RHOA: variants seen among roughly 807,000 people sequenced by gnomAD.
The protein encoded by RHOA is transforming protein RhoA.
A neutral mutation model predicts 17.5 loss-of-function variants in RHOA; 3 were observed. That is an observed-to-expected ratio of 0.17 (90% CI 0.08 to 0.44). RHOA has a LOEUF of 0.44. Among genes scored for constraint, RHOA ranks in the 20% least tolerant of loss-of-function variants. The probability of loss-of-function intolerance (pLI) is 0.99; values close to 1 mark genes in which losing one functional copy is unlikely to be tolerated. For missense variants in RHOA, 56 were observed against 242.3 expected, an observed-to-expected ratio of 0.23 and a Z score of 5.10; for synonymous variants, 98 against 88.4, an observed-to-expected ratio of 1.11 and a Z score of -0.61.
rs3204561 is a variant in RHOA at position 49,359,247 on chromosome 3, G to C, written c.*962C>G. ...AAGAGAGACTGAGTGCCACCCATGA[G>C]AACTGGTGGCTCCTCTGGGAGGGAA... On this transcript the variant is annotated 3_prime_UTR_variant, in exon 5 of 5. Coordinates refer to ENST00000418115, the MANE Select transcript of RHOA (RefSeq NM_001664.4). The C allele has an allele frequency of 5.2e-6, 1 of 192,896 alleles. No individual in the cohort carries two copies. The highest frequency in any genetic ancestry group is 2.3e-5 in the African/African-American group (1 of 43,066). 11.9% of individuals were successfully genotyped at this position (192,896 alleles called of 1,614,324 possible).
intron 1 of RHOA, among the ~76,000 whole-genome samples, chr3:49,403,262 CG>C (rs1302714760): frequency 6.6e-6 from 1 of 151,816 alleles, no homozygotes; most frequent in African/African-American, 2.4e-5. Context: ...CACTTGAACC[CG>C]GGAGGCAGAG....
intron 1 of RHOA, among the ~76,000 whole-genome samples, chr3:49,408,753 G>A (rs1189332159): frequency 6.6e-6 from 1 of 151,348 alleles, no homozygotes; most frequent in Non-Finnish European, 1.5e-5. Flanking sequence ...GGTAAACAAA[G>A]GAATAAACTA....
At chr3:49,401,786 T>C (rs1559517848) in intron 1 of RHOA, among the ~76,000 whole-genome samples, 1 of 152,162 alleles carries the variant, frequency 6.6e-6, no homozygotes, top group African/African-American at 2.4e-5. Context: ...ATCTGCATTA[T>C]ACTTACTGGT....
chr3:49,401,549 ACT>A (rs1436906961), intron 1 of RHOA, among the ~76,000 whole-genome samples: 1 of 109,178 alleles, frequency 9.2e-6, no homozygotes, highest in Non-Finnish European at 1.9e-5. Context: ...CAAGAATGAA[ACT>A]CTGTCTCAAA....
chr3:49,364,685 T>A lies in RHOA; in HGVS notation c.278-2059A>T, dbSNP rs183142506. Among the ~76,000 whole-genome samples, 776 of 151,102 alleles carry A rather than the reference T, an allele frequency of 5.1e-3. 28 individuals carry two copies. The highest frequency in any genetic ancestry group is 0.046 in the Admixed American group (702 of 15,146). On this transcript the variant is annotated intron_variant, in intron 3 of 4. Transcript: ENST00000418115. The stretch of plus-strand genomic sequence containing the variant: ...CAAAATAAATAAATAAATAAATAAA[T>A]AAAAATAAATAGACCAGGTGCAGTG...
intron 1 of RHOA, among the ~76,000 whole-genome samples, chr3:49,398,620 G>A (rs1160900245): frequency 4.7e-5 from 7 of 149,500 alleles, no homozygotes; most frequent in Admixed American, 3.4e-4. Flanking sequence ...TCAGGAGATC[G>A]AGACCATCCT....
At chr3:49,383,128 A>C (rs1214210083) in intron 1 of RHOA, among the ~76,000 whole-genome samples, 1 of 152,084 alleles carries the variant, frequency 6.6e-6, no homozygotes, top group African/African-American at 2.4e-5. Flanking sequence ...GAAGACATTC[A>C]ATTCTTGAGA....
intron 1 of RHOA, among the ~76,000 whole-genome samples, chr3:49,391,649 T>C (rs995993328): frequency 6.6e-6 from 1 of 151,728 alleles, no homozygotes; most frequent in Non-Finnish European, 1.5e-5. Context: ...GTAGCTGGGA[T>C]TACAGGCATG....
intron 1 of RHOA, among the ~76,000 whole-genome samples, chr3:49,391,174 C>T (rs1210228593): frequency 6.7e-6 from 1 of 149,314 alleles, no homozygotes; most frequent in Non-Finnish European, 1.5e-5. Context: ...GCCGAGATCG[C>T]ACCACTGCAC....
intron 2 of RHOA, among the ~76,000 whole-genome samples, chr3:49,369,729 C>T (rs183110791): frequency 1.2e-3 from 179 of 146,654 alleles, no homozygotes; most frequent in African/African-American, 4.2e-3. Context: ...GGCGACAAAG[C>T]GAGCCTCCAT....
At chr3:49,403,859 G>T (rs2048767651) in intron 1 of RHOA, among the ~76,000 whole-genome samples, 2 of 151,990 alleles carry the variant, frequency 1.3e-5, no homozygotes, top group Admixed American at 6.6e-5. Context: ...CCAAGTTTGG[G>T]AACAGTGGAG....
rs2047938788 is a variant in RHOA at position 49,360,186 on chromosome 3, A to T, written c.*23T>A. ...ACAGCACTTCAAAATTAACCGCATA[A>T]GGGCTGTGCTTGCAGCAAGGTTTCA... On this transcript the variant is annotated 3_prime_UTR_variant, in exon 5 of 5. Transcript: ENST00000418115. The T allele has an allele frequency of 1.2e-6, 2 of 1,608,348 alleles. No individual in the cohort carries two copies. Among genetic ancestry groups the T allele is most frequent in the East Asian group, 4.5e-5 (2 of 44,854 alleles).
intron 1 of RHOA, among the ~76,000 whole-genome samples, chr3:49,402,509 A>AC: frequency 6.6e-6 from 1 of 152,074 alleles, no homozygotes; most frequent in Non-Finnish European, 1.5e-5. Flanking sequence ...CGTCATCTCT[A>AC]TAAAAATTAA....
chr3:49,361,332 G>A (rs2047967850), intron 4 of RHOA, among the ~76,000 whole-genome samples: 2 of 152,170 alleles, frequency 1.3e-5, no homozygotes, highest in African/African-American at 4.8e-5. Context: ...AGAAACCTGA[G>A]TAAGAGAACT....
chr3:49,372,333 T>C (rs1387942435), intron 2 of RHOA, among the ~76,000 whole-genome samples: 1 of 152,172 alleles, frequency 6.6e-6, no homozygotes, highest in Non-Finnish European at 1.5e-5. Flanking sequence ...AAAATTCTGT[T>C]AGGCTGGTAT....
At chr3:49,380,398 T>C (rs910528699) in intron 1 of RHOA, among the ~76,000 whole-genome samples, 16 of 152,074 alleles carry the variant, frequency 1.1e-4, no homozygotes, top group Non-Finnish European at 7.3e-5. Context: ...TTACCTATAG[T>C]CAAACTAATC....
At chr3:49,398,789 G>A (rs1328041129) in intron 1 of RHOA, among the ~76,000 whole-genome samples, 5 of 130,994 alleles carry the variant, frequency 3.8e-5, no homozygotes, top group Non-Finnish European at 7.7e-5. Flanking sequence ...GCAGTGAGCC[G>A]AGATTATGCC....
At position 49,359,532 on chromosome 3, in the gene RHOA, TC is replaced by T. The variant is rs1189265359; in HGVS notation, c.*676del. On this transcript the variant is annotated 3_prime_UTR_variant, in exon 5 of 5. Transcript: ENST00000418115. ...TCTGACTTTATTTCCAAATACACTTTCTTTTTTAAAAAACCAATACACTTTC... is the reference window on the plus strand; with the variant it reads ...TCTGACTTTATTTCCAAATACACTTTTTTTTTAAAAAACCAATACACTTTC... The T allele has an allele frequency of 2.0e-5, 4 of 201,164 alleles. No homozygotes were observed. Among genetic ancestry groups the T allele is most frequent in the Non-Finnish European group, 4.1e-5 (4 of 97,628 alleles). 12.5% of individuals were successfully genotyped at this position (201,164 alleles called of 1,614,324 possible).
At chr3:49,367,832 A>G (rs2048084596) in intron 3 of RHOA, among the ~76,000 whole-genome samples, 1 of 151,820 alleles carries the variant, frequency 6.6e-6, no homozygotes, top group Non-Finnish European at 1.5e-5. Flanking sequence ...TAGTTTACTC[A>G]TCTTTGTATC....
Sources: allele counts gnomAD v4.1 joint callset (sites outside exome capture counted in the v4.1 genomes callset), GRCh38; gene constraint gnomAD v4.1.1; transcripts MANE v1.5; gene names NCBI Gene and HGNC (gene_info 2026-07-23, HGNC 2026-07-21).